Variants in TRAF7 observed in about 807,000 individuals in gnomAD.
TRAF7 encodes E3 ubiquitin-protein ligase TRAF7.
Under a neutral mutation model 89.3 loss-of-function variants are expected in TRAF7, and 45 were observed. That is an observed-to-expected ratio of 0.50 (90% CI 0.40 to 0.65). The LOEUF (loss-of-function observed/expected upper bound fraction) is 0.65, where lower values mean the gene tolerates loss of function less well. TRAF7 is among the 30% of genes least tolerant of loss of function. The pLI is 0.00. For synonymous variants in TRAF7, 406 were observed against 369.2 expected (o/e 1.10, Z -1.14); for missense variants, 677 against 918.1 (o/e 0.74, Z 3.39).
Position 2,176,992 on chromosome 16 carries a change from T to G in TRAF7, c.*418T>G. On this transcript the variant is annotated 3_prime_UTR_variant, in exon 21 of 21. Coordinates refer to ENST00000326181, the MANE Select transcript of TRAF7 (RefSeq NM_032271.3). ...AAGGGGGCTGTGTGTGGCCTTGAGG[T>G]TGGTGTGCACAGGCACTGGCTGCTG... 1 of 387,440 alleles carries G rather than the reference T, an allele frequency of 2.6e-6. No homozygotes were observed. The highest frequency in any genetic ancestry group is 4.9e-6 in the Non-Finnish European group (1 of 206,004). 24.0% of individuals were successfully genotyped at this position (387,440 alleles called of 1,614,324 possible).
In TRAF7 at chr16:2,158,624, T is replaced by C. The variant is rs985762156; in HGVS notation, c.-39+2766T>C. ...TCAGTGGTCTCTGCCCTCACATTCC[T>C]GTTGCCTCTTCGGGCCCATGTATGG... On this transcript the variant is annotated intron_variant, in intron 1 of 20. Coordinates refer to ENST00000326181, the MANE Select transcript of TRAF7 (RefSeq NM_032271.3). The surrounding 1 kb of genome is among the most constrained non-coding windows in gnomAD (Gnocchi z 4.7). 2.0e-5 allele frequency among the ~76,000 whole-genome samples: 3 copies of C among 152,188 alleles called. No individual in the cohort carries two copies. The highest frequency in any genetic ancestry group is 4.4e-5 in the Non-Finnish European group (3 of 68,020).
chr16:2,172,103 T>A, intron 7 of TRAF7, 88 bp from the exon 8 acceptor site: 1 of 1,522,940 alleles, frequency 6.6e-7, no homozygotes, highest in Non-Finnish European at 9.0e-7. Context: ...GATGGACAGA[T>A]CTGGCCCCCA....
Position 2,176,124 on chromosome 16 carries a change from A to G in TRAF7, c.1822A>G (p.Ile608Val), listed in dbSNP as rs2093134691. Reference protein sequence around the residue: ...HVGTVYALAVISTPDQTKVFS... With the variant: ...HVGTVYALAVVSTPDQTKVFS... ...GGGCACCGTGTATGCCCTGGCGGTC[A>G]TCTCGACGCCAGACCAGACCAAAGT... The change falls in exon 19 of 21, where the codon ATC (isoleucine) becomes GTC (valine). Residue 608 changes from isoleucine to valine, a missense_variant. Around this residue, in one of 6 missense-constraint regions of TRAF7, gnomAD observed 160 missense variants for 263.7 expected, o/e 0.61. Transcript: ENST00000326181. 2 of 1,610,962 alleles carry G rather than the reference A, an allele frequency of 1.2e-6. No homozygotes were observed. The highest frequency in any genetic ancestry group is 1.7e-6 in the Non-Finnish European group (2 of 1,179,604).
chr16:2,167,493 C>A (rs2093091357), intron 3 of TRAF7, among the ~76,000 whole-genome samples: 1 of 152,186 alleles, frequency 6.6e-6, no homozygotes, highest in Non-Finnish European at 1.5e-5. Flanking sequence ...GAGGGCACTT[C>A]AGCTCCTGCC....
At chr16:2,157,680 C>T (rs1296925211) in intron 1 of TRAF7, among the ~76,000 whole-genome samples, 2 of 151,658 alleles carry the variant, frequency 1.3e-5, no homozygotes, top group African/African-American at 4.8e-5. Context: ...GAGGAAGATG[C>T]AGTTGAAGAG....
At chr16:2,172,785 C>T (rs1007450467) in intron 9 of TRAF7, among the ~76,000 whole-genome samples, 186 bp downstream of exon 9, 20 of 146,644 alleles carry the variant, frequency 1.4e-4, no homozygotes, top group East Asian at 6.3e-4. Context: ...TCCAGGAAGG[C>T]GGGCGTGGAC....
At chr16:2,165,242 C>T (rs1280483813) in intron 2 of TRAF7, among the ~76,000 whole-genome samples, 6 of 131,312 alleles carry the variant, frequency 4.6e-5, no homozygotes, top group Admixed American at 7.6e-5. Context: ...GTTAGTGCTA[C>T]GTGGCGCGGC....
rs2093130144 is a variant in TRAF7 at position 2,175,106 on chromosome 16, C to T, written c.1347-5C>T. 6 of 1,613,890 alleles carry T rather than the reference C, an allele frequency of 3.7e-6. No homozygotes were observed. The East Asian group carries it at 1.1e-4, about 30-fold the overall frequency. On this transcript the variant is annotated splice_polypyrimidine_tract_variant and splice_region_variant and intron_variant, in intron 14 of 20. Transcript: ENST00000326181. ...CACCTTGACACATTGTCTCTGCTTC[C>T]CCAGGTGCAAACTCTACAGCGGCTC...
In TRAF7 at chr16:2,176,596, G is replaced by A. The variant is rs2093137938; in HGVS notation, c.*22G>A. 1 of 1,613,398 alleles carries A rather than the reference G, an allele frequency of 6.2e-7. No individual in the cohort carries two copies. The highest frequency in any genetic ancestry group is 8.5e-7 in the Non-Finnish European group (1 of 1,180,000). On this transcript the variant is annotated 3_prime_UTR_variant, in exon 21 of 21. Coordinates refer to ENST00000326181, the MANE Select transcript of TRAF7 (RefSeq NM_032271.3). ...CTAACAGGATCCAGGCCAGGCTGTG[G>A]TTTCCCCTGAACCAGCCCTGGACCT...
intron 3 of TRAF7, among the ~76,000 whole-genome samples, chr16:2,166,894 G>A (rs758765647): frequency 4.6e-5 from 7 of 152,324 alleles, no homozygotes; most frequent in East Asian, 3.9e-4. Context: ...CCCTCATTCC[G>A]GGGTGGGGTT....
chr16:2,173,732 A>G, intron 11 of TRAF7, 56 bp from the exon 12 acceptor site: 13 of 1,600,462 alleles, frequency 8.1e-6, no homozygotes, highest in Non-Finnish European at 9.4e-6. Flanking sequence ...GAGAGGCTGC[A>G]CTGGCCCCAC....
In TRAF7 at chr16:2,162,485, G is replaced by A. The variant is rs946955449; in HGVS notation, c.-38-1398G>A. On this transcript the variant is annotated intron_variant, in intron 1 of 20. Transcript: ENST00000326181. This position sits in a 1 kb window ranked among gnomAD's most constrained non-coding sequence, Gnocchi z 5.0. ...GAGGTACTGGAGCCAGCTGGGCTCAGTGATGCCCCCTGAGCTGTGCTCCTG... is the reference window on the plus strand; with the variant it reads ...GAGGTACTGGAGCCAGCTGGGCTCAATGATGCCCCCTGAGCTGTGCTCCTG... Among the ~76,000 whole-genome samples, 1 of 152,144 alleles carries A rather than the reference G, an allele frequency of 6.6e-6. No individual in the cohort carries two copies. Among genetic ancestry groups the A allele is most frequent in the Non-Finnish European group, 1.5e-5 (1 of 67,996 alleles).
intron 1 of TRAF7, among the ~76,000 whole-genome samples, chr16:2,156,546 A>G (rs973663045): frequency 2.0e-5 from 3 of 151,978 alleles, no homozygotes; most frequent in Admixed American, 6.6e-5. Flanking sequence ...GGGCGGCGCT[A>G]CCGTTAGCCA....
chr16:2,170,557 C>T lies in TRAF7; in HGVS notation c.232-57C>T. ...CTTCCGCCGGGCTGGGTCCTGTCCT[C>T]CCCGAGGCTCTGACCCCGTGCGGAG... On this transcript the variant is annotated intron_variant, in intron 4 of 20. Transcript: ENST00000326181. 12 of 1,388,818 alleles carry T rather than the reference C, an allele frequency of 8.6e-6. No homozygotes were observed. In the South Asian group the frequency reaches 1.1e-4, roughly 12 times the overall value. 86.0% of individuals were successfully genotyped at this position (1,388,818 alleles called of 1,614,324 possible). A position where few individuals can be genotyped will look rare whatever the true frequency, so the allele number is the denominator to read the frequency against.
chr16:2,165,965 G>T (rs1351639588), intron 3 of TRAF7, 29 bp downstream of exon 3: 2 of 1,613,688 alleles, frequency 1.2e-6, no homozygotes, highest in African/African-American at 1.3e-5. Flanking sequence ...GCCAGCCCAG[G>T]CTGGGAATAA....
At chr16:2,165,812 G>C in intron 2 of TRAF7, 67 bp from the exon 3 acceptor site, 1 of 1,587,360 alleles carries the variant, frequency 6.3e-7, no homozygotes, top group South Asian at 1.1e-5. Flanking sequence ...CATGTGAGTG[G>C]GCTCCACATG....
intron 8 of TRAF7, 36 bp from the exon 9 acceptor site, chr16:2,172,429 C>G (rs1247909355): frequency 2.5e-6 from 4 of 1,610,710 alleles, no homozygotes; most frequent in Non-Finnish European, 3.4e-6. Context: ...TCTCAGGGCT[C>G]TGGCTGAGGC....
rs557570814 is a variant in TRAF7, at chr16:2,175,378, A to C, written c.1464A>C (p.Ser488=). The change falls in exon 16 of 21, where the codon TCA becomes TCC. Residue 488 remains serine (S), a synonymous_variant. Coordinates refer to ENST00000326181, the MANE Select transcript of TRAF7 (RefSeq NM_032271.3). Reference sequence around the variant, plus strand: ...ACCCGGTGTGCACGCTGGTCTCCTCACACAACGTGCTCTTCAGCGGCTCCC... The same window carrying C: ...ACCCGGTGTGCACGCTGGTCTCCTCCCACAACGTGCTCTTCAGCGGCTCCC... ...HDNPVCTLVS[S]HNVLFSGSLK... 1.5e-5 allele frequency: 25 copies of C among 1,613,534 alleles called. 1 individual carries two copies. The African/African-American group carries it at 3.2e-4, about 21-fold the overall frequency.
At position 2,175,869 on chromosome 16, in the gene TRAF7, C is replaced by T. The variant is rs768501520; in HGVS notation, c.1662C>T (p.Val554=). The T allele has an allele frequency of 1.9e-6, 3 of 1,613,574 alleles. No homozygotes were observed. The highest frequency in any genetic ancestry group is 1.7e-5 in the Admixed American group (1 of 60,016). Residue 554 remains valine (V), a synonymous_variant, in exon 18 of 21, where the codon GTC becomes GTT. Transcript: ENST00000326181. Reference sequence around the variant, plus strand: ...TCCGAACCCTTGACTGCATCCACGTCCTGCAGACGTCTGGTGGCAGCGTCT... The same window carrying T: ...TCCGAACCCTTGACTGCATCCACGTTCTGCAGACGTCTGGTGGCAGCGTCT... The part of the protein sequence containing the change: ...WDIRTLDCIH[V]LQTSGGSVYS...
Sources: gnomAD v4.1 joint callset for allele counts (sites outside exome capture counted in the v4.1 genomes callset) on GRCh38, gnomAD v4.1.1 for gene constraint, gnomAD v4.1.1 regional missense constraint, Gnocchi (gnomAD v3.1) non-coding constraint, MANE v1.5 for transcripts, NCBI Gene and HGNC (gene_info 2026-07-23, HGNC 2026-07-21) for gene names.